Variants in ATRN observed in about 807,000 individuals in gnomAD.
ATRN encodes attractin-2.
Under a neutral mutation model 178.7 loss-of-function variants are expected in ATRN, and 54 were observed. That is an observed-to-expected ratio of 0.30 (90% CI 0.24 to 0.38). The LOEUF (loss-of-function observed/expected upper bound fraction) is 0.38, where lower values mean the gene tolerates loss of function less well. Among genes scored for constraint, ATRN ranks in the 10% least tolerant of loss-of-function variants. The pLI, the probability that ATRN is intolerant of heterozygous loss-of-function variation, is 1.00. For missense variants in ATRN, 1,443 were observed against 1,815.1 expected, an observed-to-expected ratio of 0.79 and a Z score of 3.73; for synonymous variants, 636 against 663.0, an observed-to-expected ratio of 0.96 and a Z score of 0.63.
chr20:3,641,208 T>C (rs942264660), intron 27 of ATRN, among the ~76,000 whole-genome samples: 1 of 152,186 alleles, frequency 6.6e-6, no homozygotes, highest in Non-Finnish European at 1.5e-5. Flanking sequence ...TGCACAACAA[T>C]GTGAATATAC....
At position 3,650,911 on chromosome 20, in the gene ATRN, C is replaced by T. The variant is rs439442; in HGVS notation, c.*4064C>T. ...GAGTAAGTATTGTAAACTATTTCATCGCGGGGATTGTGGGTGTTATACATA... is the reference window on the plus strand; with the variant it reads ...GAGTAAGTATTGTAAACTATTTCATTGCGGGGATTGTGGGTGTTATACATA... On this transcript the variant is annotated 3_prime_UTR_variant, in exon 29 of 29. Coordinates refer to ENST00000262919, the MANE Select transcript of ATRN (RefSeq NM_139321.3). 0.86 allele frequency: 131,632 copies of T among 152,678 alleles called. 57,078 individuals are homozygous for T. The highest frequency in any genetic ancestry group is 1 in the East Asian group (5,174 of 5,182). 9.5% of individuals were successfully genotyped at this position (152,678 alleles called of 1,614,324 possible).
At chr20:3,552,730 T>A (rs1827993556) in intron 6 of ATRN, among the ~76,000 whole-genome samples, 1 of 152,186 alleles carries the variant, frequency 6.6e-6, no homozygotes, top group Non-Finnish European at 1.5e-5. Context: ...ATCAATTTCC[T>A]TGTAGTTATA....
intron 22 of ATRN, among the ~76,000 whole-genome samples, 182 bp from the exon 23 acceptor site, chr20:3,600,764 G>A (rs766940695): frequency 1.3e-5 from 2 of 152,068 alleles, no homozygotes; most frequent in African/African-American, 2.4e-5. Context: ...AATTTTATTG[G>A]CATATATTGC....
chr20:3,489,527 C>A (rs2084752186), intron 1 of ATRN: 2 of 1,410,990 alleles, frequency 1.4e-6, no homozygotes, highest in Non-Finnish European at 2.0e-6. Context: ...CATCCCTGAG[C>A]ACTAGAGCAG....
intron 6 of ATRN, among the ~76,000 whole-genome samples, chr20:3,550,959 A>G (rs1208083688): frequency 1.3e-5 from 2 of 152,180 alleles, no homozygotes; most frequent in African/African-American, 4.8e-5. Context: ...CAGCCCCTCC[A>G]TAATCTCATT....
At chr20:3,511,860 T>G (rs1030316737) in intron 1 of ATRN, among the ~76,000 whole-genome samples, 15 of 152,034 alleles carry the variant, frequency 9.9e-5, no homozygotes, top group Non-Finnish European at 7.4e-5. Context: ...TACTACATGT[T>G]TAAGCATGGT....
chr20:3,501,995 A>G (rs2084971430), intron 1 of ATRN, among the ~76,000 whole-genome samples: 1 of 152,176 alleles, frequency 6.6e-6, no homozygotes, highest in South Asian at 2.1e-4. Context: ...CAGCTTTCAC[A>G]TTACCTCAAT....
At chr20:3,577,023 G>A (rs960757119) in intron 14 of ATRN, 26 bp downstream of exon 14, 2 of 1,612,328 alleles carry the variant, frequency 1.2e-6, no homozygotes, top group African/African-American at 1.3e-5. Flanking sequence ...TCATCTTGGT[G>A]TGTGTGGGTC....
At chr20:3,591,120 C>T in intron 18 of ATRN, 49 bp from the exon 19 acceptor site, 7 of 1,500,566 alleles carry the variant, frequency 4.7e-6, no homozygotes, top group Non-Finnish European at 6.3e-6. Flanking sequence ...AACTTAACTA[C>T]ATGCAGTTCT....
intron 1 of ATRN, among the ~76,000 whole-genome samples, chr20:3,481,791 C>CTTTTT (rs780144563): frequency 4.0e-5 from 4 of 100,516 alleles, no homozygotes; most frequent in African/African-American, 1.2e-4. Context: ...GGTGAATTTC[C>CTTTTT]TTTTTTTTTT....
Position 3,569,914 on chromosome 20 carries a change from T to C in ATRN, c.1872-2817T>C, listed in dbSNP as rs148591045. ...AGCAAGACCTCATCTCTACTAGAAA[T>C]ACAAAAATTAGCTGGTCATGGTGGT... is the stretch of plus-strand genomic sequence containing the variant. On this transcript the variant is annotated intron_variant, in intron 11 of 28. Coordinates refer to ENST00000262919, the MANE Select transcript of ATRN (RefSeq NM_139321.3). Among the ~76,000 whole-genome samples the C allele has an allele frequency of 7.6e-3, 1,157 of 152,024 alleles. 15 individuals carry two copies. Among genetic ancestry groups the C allele is most frequent in the African/African-American group, 0.026 (1,079 of 41,456 alleles).
chr20:3,570,103 C>T (rs1469783180), intron 11 of ATRN, among the ~76,000 whole-genome samples: 1 of 151,086 alleles, frequency 6.6e-6, no homozygotes, highest in Non-Finnish European at 1.5e-5. Context: ...TTTAATATCT[C>T]TCAGTGTCCA....
chr20:3,494,249 A>G (rs2146094976), intron 1 of ATRN, among the ~76,000 whole-genome samples: 1 of 152,340 alleles, frequency 6.6e-6, no homozygotes, highest in Non-Finnish European at 1.5e-5. Context: ...TACATAGTCA[A>G]TATTGCCACA....
intron 14 of ATRN, among the ~76,000 whole-genome samples, chr20:3,577,865 T>C (rs2086233213): frequency 6.6e-6 from 1 of 152,230 alleles, no homozygotes; most frequent in Non-Finnish European, 1.5e-5. Flanking sequence ...ATGGTACCTT[T>C]CTTTTATCTC....
chr20:3,522,777 G>A (rs967417878), intron 1 of ATRN, among the ~76,000 whole-genome samples: 2 of 152,144 alleles, frequency 1.3e-5, no homozygotes, highest in African/African-American at 4.8e-5. Flanking sequence ...GGCAAATAGG[G>A]TCTGGAGTGG....
At chr20:3,637,718 A>G (rs1441565392) in intron 26 of ATRN, among the ~76,000 whole-genome samples, 1 of 152,150 alleles carries the variant, frequency 6.6e-6, no homozygotes, top group East Asian at 1.9e-4. Context: ...TCCCAGTGAC[A>G]ACCTTATGGG....
chr20:3,513,884 G>C (rs2085171353), intron 1 of ATRN, among the ~76,000 whole-genome samples: 1 of 152,054 alleles, frequency 6.6e-6, no homozygotes, highest in Admixed American at 6.6e-5. Context: ...TCATGATTTG[G>C]CTCTCTGTTT....
At chr20:3,625,935 T>C (rs2086934755) in intron 25 of ATRN, among the ~76,000 whole-genome samples, 1 of 152,112 alleles carries the variant, frequency 6.6e-6, no homozygotes, top group African/African-American at 2.4e-5. Context: ...TCCTACAATT[T>C]GATTGAATTT....
chr20:3,638,007 A>C lies in ATRN; in HGVS notation c.3943-821A>C, dbSNP rs779425485. ...CCTTGGTGCCAGTTTCAGTAGGAAG[A>C]AAGCAAGCCTGACTTTAGTAGTAGA... On this transcript the variant is annotated intron_variant, in intron 26 of 28. Coordinates refer to ENST00000262919, the MANE Select transcript of ATRN (RefSeq NM_139321.3). This position sits in a 1 kb window ranked among gnomAD's most constrained non-coding sequence, Gnocchi z 4.5. Among the ~76,000 whole-genome samples the C allele has an allele frequency of 4.6e-5, 7 of 152,230 alleles. No individual in the cohort carries two copies. Among genetic ancestry groups the C allele is most frequent in the Non-Finnish European group, 1.0e-4 (7 of 68,042 alleles).
Sources: gnomAD v4.1 joint callset for allele counts (sites outside exome capture counted in the v4.1 genomes callset) on GRCh38, gnomAD v4.1.1 for gene constraint, Gnocchi (gnomAD v3.1) non-coding constraint, MANE v1.5 for transcripts, NCBI Gene and HGNC (gene_info 2026-07-23, HGNC 2026-07-21) for gene names.